The following PTPN11 variants were observed in gnomAD, a reference collection of about 807,000 sequenced individuals.
The protein encoded by PTPN11 is tyrosine-protein phosphatase non-receptor type 11.
PTPN11 carries 6 observed loss-of-function variants against 78.8 expected under a neutral mutation model. The observed-to-expected ratio is 0.08, with a 90% confidence interval of 0.04 to 0.15. PTPN11 has a LOEUF of 0.15. Ranked by LOEUF, PTPN11 falls within the 10% of genes least tolerant of loss-of-function variation. The probability of loss-of-function intolerance (pLI) is 1.00; values close to 1 mark genes in which losing one functional copy is unlikely to be tolerated. For synonymous variants in PTPN11, 221 were observed against 263.5 expected (o/e 0.84, Z 1.56); for missense variants, 386 against 744.8 (o/e 0.52, Z 5.61).
At chr12:112,479,487 C>G (rs1174635895) in intron 9 of PTPN11, among the ~76,000 whole-genome samples, 1 of 152,132 alleles carries the variant, frequency 6.6e-6, no homozygotes, top group Non-Finnish European at 1.5e-5. Context: ...TGTTGTACTC[C>G]TAGTTGGTAT....
chr12:112,500,527 G>A (rs1201731295), intron 13 of PTPN11, among the ~76,000 whole-genome samples: 1 of 152,158 alleles, frequency 6.6e-6, no homozygotes, highest in Non-Finnish European at 1.5e-5. Flanking sequence ...CTTACTGACT[G>A]CTTTATCACT....
At chr12:112,449,745 C>A (rs778658997) in intron 2 of PTPN11, among the ~76,000 whole-genome samples, 1 of 151,950 alleles carries the variant, frequency 6.6e-6, no homozygotes, top group Non-Finnish European at 1.5e-5. Context: ...ATATGCAATT[C>A]GATAGGCCAG....
intron 3 of PTPN11, among the ~76,000 whole-genome samples, chr12:112,452,628 A>G (rs1211339865): frequency 6.6e-6 from 1 of 151,766 alleles, no homozygotes; most frequent in African/African-American, 2.4e-5. Flanking sequence ...CCTGGACTCA[A>G]GTGATCCTCC....
chr12:112,448,435 T>G (rs927250865), intron 2 of PTPN11, among the ~76,000 whole-genome samples: 2 of 151,780 alleles, frequency 1.3e-5, no homozygotes, highest in Admixed American at 1.3e-4. Flanking sequence ...CAGGCTAATC[T>G]CCAACTCTTG....
At chr12:112,465,420 CAAAA>C (rs78570969) in intron 6 of PTPN11, among the ~76,000 whole-genome samples, 1 of 90,774 alleles carries the variant, frequency 1.1e-5, no homozygotes, top group Admixed American at 1.2e-4. Flanking sequence ...GAGTGTATCA[CAAAA>C]AAAAAAAAAA....
chr12:112,446,549 G>A, intron 2 of PTPN11, 151 bp downstream of exon 2: 1 of 1,090,758 alleles, frequency 9.2e-7, no homozygotes, highest in Non-Finnish European at 1.4e-6. Flanking sequence ...TGGCCTCCTG[G>A]ACATTTAGCA....
chr12:112,434,833 C>T (rs1192960714), intron 1 of PTPN11, among the ~76,000 whole-genome samples: 1 of 151,996 alleles, frequency 6.6e-6, no homozygotes, highest in Non-Finnish European at 1.5e-5. Flanking sequence ...GTTGCCCAGG[C>T]TGGGGTGCAG....
At chr12:112,487,459 A>G (rs944823905) in intron 11 of PTPN11, among the ~76,000 whole-genome samples, 2 of 151,830 alleles carry the variant, frequency 1.3e-5, no homozygotes, top group Non-Finnish European at 2.9e-5. Context: ...TACCATAAAT[A>G]TATTTCTCCC....
At chr12:112,446,104 G>T (rs1278038777) in intron 1 of PTPN11, among the ~76,000 whole-genome samples, 172 bp from the exon 2 acceptor site, 2 of 152,124 alleles carry the variant, frequency 1.3e-5, no homozygotes, top group Non-Finnish European at 2.9e-5. Context: ...CAAGGGAAAG[G>T]CAGGGAGGAG....
At chr12:112,483,865 G>T (rs2038635321) in intron 10 of PTPN11, among the ~76,000 whole-genome samples, 1 of 152,098 alleles carries the variant, frequency 6.6e-6, no homozygotes. Flanking sequence ...GGTCCGGGGG[G>T]ATGGCAGTGG....
At position 112,504,261 on chromosome 12, in the gene PTPN11, T is replaced by C. The variant is rs2038909080; in HGVS notation, c.1713-434T>C. 6.6e-6 allele frequency among the ~76,000 whole-genome samples: 1 copy of C among 152,204 alleles called. No homozygotes were observed. The highest frequency in any genetic ancestry group is 6.5e-5 in the Admixed American group (1 of 15,270). On this transcript the variant is annotated intron_variant, in intron 14 of 15. Coordinates refer to ENST00000351677, the MANE Select transcript of PTPN11 (RefSeq NM_002834.5). This position sits in a 1 kb window ranked among gnomAD's most constrained non-coding sequence, Gnocchi z 4.7. ...CCCAGGCTGGAGTGCAGTGGCACGA[T>C]CTCTGCTCACTGCAACCTCCATCTC...
At position 112,450,392 on chromosome 12, in the gene PTPN11, T is replaced by G. The variant is rs755709231; in HGVS notation, c.212T>G (p.Phe71Cys). Residue 71 changes from phenylalanine to cysteine, a missense_variant, in exon 3 of 16, where the codon TTT becomes TGT. Physicochemically the swap from Phe to Cys is radical, Grantham distance 205. Around this residue, in one of 3 missense-constraint regions of PTPN11, gnomAD observed 279 missense variants for 503.3 expected, o/e 0.55. Coordinates refer to ENST00000351677, the MANE Select transcript of PTPN11 (RefSeq NM_002834.5). ...DYYDLYGGEK[F>C]ATLAELVQYY... Reference sequence around the variant, plus strand: ...TATGACCTGTATGGAGGGGAGAAATTTGCCACTTTGGCTGAGTTGGTCCAG... The same window carrying G: ...TATGACCTGTATGGAGGGGAGAAATGTGCCACTTTGGCTGAGTTGGTCCAG... The G allele has an allele frequency of 1.2e-6, 2 of 1,613,672 alleles. No homozygotes were observed. Among genetic ancestry groups the G allele is most frequent in the Non-Finnish European group, 8.5e-7 (1 of 1,179,606 alleles).
chr12:112,487,840 A>G (rs553625939), intron 11 of PTPN11, among the ~76,000 whole-genome samples: 1 of 151,956 alleles, frequency 6.6e-6, no homozygotes. Flanking sequence ...CTAGAGTGCA[A>G]TTGAGCGATC....
intron 1 of PTPN11, among the ~76,000 whole-genome samples, chr12:112,442,019 C>T (rs551710135): frequency 1.1e-3 from 161 of 152,136 alleles, no homozygotes; most frequent in Admixed American, 1.6e-3. Context: ...CCTTGTGATC[C>T]GCCCGCCTCG....
rs532078299 is a variant in PTPN11, at chr12:112,419,806, T to C, written c.14+681T>C. ...CTTCACTGCAACCTTAACAGTCAGG[T>C]CACTTTACTGGTACCCGTTTTATGG... On this transcript the variant is annotated intron_variant, in intron 1 of 15. Transcript: ENST00000351677. Among the ~76,000 whole-genome samples the C allele has an allele frequency of 4.6e-5, 7 of 152,244 alleles. No homozygotes were observed. The South Asian group carries it at 1.4e-3, about 31-fold the overall frequency.
At chr12:112,455,772 G>GAA (rs1213795487) in intron 5 of PTPN11, among the ~76,000 whole-genome samples, 178 bp from the exon 6 acceptor site, 3 of 151,876 alleles carry the variant, frequency 2.0e-5, no homozygotes, top group Non-Finnish European at 4.4e-5. Context: ...TTTTCTGGCT[G>GAA]AACAGAAAAC....
intron 1 of PTPN11, among the ~76,000 whole-genome samples, chr12:112,426,305 G>GGAGT (rs2037614421): frequency 1.3e-5 from 2 of 152,244 alleles, no homozygotes; most frequent in East Asian, 1.9e-4. Flanking sequence ...AGCGCAGGCT[G>GGAGT]GAGTGCAGTG....
At chr12:112,497,655 G>A (rs1343662344) in intron 13 of PTPN11, among the ~76,000 whole-genome samples, 1 of 152,200 alleles carries the variant, frequency 6.6e-6, no homozygotes, top group Non-Finnish European at 1.5e-5. Flanking sequence ...TTCCTGAATT[G>A]GAAATGAATC....
intron 4 of PTPN11, among the ~76,000 whole-genome samples, chr12:112,453,753 G>A (rs993645702): frequency 6.6e-6 from 1 of 151,096 alleles, no homozygotes; most frequent in Admixed American, 6.6e-5. Context: ...CCTGGGCTCA[G>A]TTGATCTTCC....
Sources: allele counts gnomAD v4.1 joint callset (sites outside exome capture counted in the v4.1 genomes callset), GRCh38; gene constraint gnomAD v4.1.1; regional missense constraint gnomAD v4.1.1; non-coding constraint Gnocchi (gnomAD v3.1); transcripts MANE v1.5; gene names NCBI Gene and HGNC (gene_info 2026-07-23, HGNC 2026-07-21).